The following STK32B variants were observed in gnomAD, a reference collection of about 807,000 sequenced individuals.
STK32B encodes serine/threonine kinase 32B.
Under a neutral mutation model 52.6 loss-of-function variants are expected in STK32B, and 43 were observed. The observed-to-expected ratio is 0.82, with a 90% CI of 0.64 to 1.05. The LOEUF (loss-of-function observed/expected upper bound fraction) is 1.05. STK32B is among the 50% of genes least tolerant of loss of function. The probability of loss-of-function intolerance (pLI) is 0.00; values close to 1 mark genes in which losing one functional copy is unlikely to be tolerated. For synonymous variants in STK32B, 238 were observed against 204.3 expected (o/e 1.17, Z -1.41); for missense variants, 621 against 534.6 (o/e 1.16, Z -1.59).
At chr4:5,351,630 A>G (rs924592708) in intron 4 of STK32B, among the ~76,000 whole-genome samples, 3 of 152,214 alleles carry the variant, frequency 2.0e-5, no homozygotes, top group East Asian at 1.9e-4. Context: ...AGCTAAATAA[A>G]TGAAATAGGG....
At chr4:5,456,180 C>T (rs1716492941) in intron 7 of STK32B, among the ~76,000 whole-genome samples, 1 of 152,206 alleles carries the variant, frequency 6.6e-6, no homozygotes, top group Admixed American at 6.5e-5. Context: ...CTGCACATGG[C>T]AATGTTGAGA....
chr4:5,459,338 C>T (rs1401215009), intron 8 of STK32B, among the ~76,000 whole-genome samples: 1 of 141,902 alleles, frequency 7.0e-6, no homozygotes, highest in Non-Finnish European at 1.5e-5. Flanking sequence ...CCCATTTGGT[C>T]TCATCCTACC....
At chr4:5,493,253 C>T (rs182286446) in intron 11 of STK32B, among the ~76,000 whole-genome samples, 4 of 152,258 alleles carry the variant, frequency 2.6e-5, no homozygotes, top group African/African-American at 4.8e-5. Context: ...GCCACAATTT[C>T]AGAGCCTGTT....
intron 1 of STK32B, among the ~76,000 whole-genome samples, chr4:5,137,258 T>C (rs538354235): frequency 6.4e-4 from 97 of 152,226 alleles, no homozygotes; most frequent in Non-Finnish European, 1.1e-3. Context: ...TGGCCAATGC[T>C]CAATCTGGAC....
intron 4 of STK32B, among the ~76,000 whole-genome samples, chr4:5,361,133 A>G (rs1734521684): frequency 6.6e-6 from 1 of 152,146 alleles, no homozygotes; most frequent in Admixed American, 6.5e-5. Flanking sequence ...AGGTTCATAT[A>G]TGTTGTAGCA....
chr4:5,096,405 C>T (rs1713395340), intron 1 of STK32B, among the ~76,000 whole-genome samples: 1 of 152,214 alleles, frequency 6.6e-6, no homozygotes. Context: ...TGCATCCCCA[C>T]CGTTGGGAGT....
At chr4:5,327,508 T>C (rs184594586) in intron 3 of STK32B, among the ~76,000 whole-genome samples, 3 of 152,150 alleles carry the variant, frequency 2.0e-5, no homozygotes, top group Non-Finnish European at 2.9e-5. Context: ...ATTAATCTTG[T>C]ACATCTCCAT....
At chr4:5,248,547 C>G (rs1725635296) in intron 3 of STK32B, among the ~76,000 whole-genome samples, 1 of 152,170 alleles carries the variant, frequency 6.6e-6, no homozygotes, top group South Asian at 2.1e-4. Context: ...CTGGGAGACA[C>G]TTGTCTTTTT....
chr4:5,267,805 T>C (rs2108852527), intron 3 of STK32B, among the ~76,000 whole-genome samples: 1 of 152,318 alleles, frequency 6.6e-6, no homozygotes, highest in South Asian at 2.1e-4. Context: ...ACGCTGCTTG[T>C]ACCATATTTT....
At chr4:5,126,248 G>A (rs967418669) in intron 1 of STK32B, among the ~76,000 whole-genome samples, 4 of 152,144 alleles carry the variant, frequency 2.6e-5, no homozygotes, top group Admixed American at 2.6e-4. Context: ...GCTCCTCTTA[G>A]GATAGTCCTT....
chr4:5,350,923 A>G (rs1265578640), intron 4 of STK32B, among the ~76,000 whole-genome samples: 1 of 151,974 alleles, frequency 6.6e-6, no homozygotes, highest in African/African-American at 2.4e-5. Context: ...AGGGCTTAAT[A>G]TAAACATATA....
chr4:5,426,161 G>A (rs1713070714), intron 6 of STK32B, among the ~76,000 whole-genome samples: 1 of 152,146 alleles, frequency 6.6e-6, no homozygotes. Flanking sequence ...CTGCCAAACT[G>A]GTTTCTAGAA....
rs1720046789 is a variant in STK32B at position 5,494,550 on chromosome 4, TAA to T, written c.1107-4394_1107-4393del. 2.6e-5 allele frequency among the ~76,000 whole-genome samples: 4 copies of T among 152,226 alleles called. No homozygotes were observed. The South Asian group carries it at 8.3e-4, about 32-fold the overall frequency. On this transcript the variant is annotated intron_variant, in intron 11 of 11. Transcript: ENST00000282908. ...ATCCAGTTTGCCAGTCTGTGTCTTT[TAA>T]TTGGAGCATTTAGCCCATTTACATT...
At chr4:5,415,142 A>T (rs1251070076) in intron 5 of STK32B, among the ~76,000 whole-genome samples, 1 of 152,232 alleles carries the variant, frequency 6.6e-6, no homozygotes, top group African/African-American at 2.4e-5. Flanking sequence ...TGGCTGGAGA[A>T]GATGGGTTTT....
intron 2 of STK32B, among the ~76,000 whole-genome samples, chr4:5,150,658 A>G (rs1717281948): frequency 1.3e-5 from 2 of 151,524 alleles, no homozygotes; most frequent in Admixed American, 6.6e-5. Flanking sequence ...GTCAGAGGTT[A>G]TTTACCACAT....
At chr4:5,441,211 T>C (rs1461870767) in intron 6 of STK32B, among the ~76,000 whole-genome samples, 1 of 151,336 alleles carries the variant, frequency 6.6e-6, no homozygotes, top group African/African-American at 2.4e-5. Flanking sequence ...TCTGGTAGAA[T>C]TTGGCTGTGA....
intron 3 of STK32B, among the ~76,000 whole-genome samples, chr4:5,300,041 T>TG (rs1729456456): frequency 6.6e-6 from 1 of 152,076 alleles, no homozygotes; most frequent in African/African-American, 2.4e-5. Flanking sequence ...ATATCCTCAA[T>TG]GAAGTACTAA....
At chr4:5,437,727 G>A (rs1396639022) in intron 6 of STK32B, among the ~76,000 whole-genome samples, 1 of 152,274 alleles carries the variant, frequency 6.6e-6, no homozygotes, top group African/African-American at 2.4e-5. Context: ...GTGGTTGGGA[G>A]AATTAAAGAG....
At chr4:5,246,582 C>T (rs954192861) in intron 3 of STK32B, among the ~76,000 whole-genome samples, 5 of 152,210 alleles carry the variant, frequency 3.3e-5, no homozygotes, top group Admixed American at 6.5e-5. Flanking sequence ...TTGTCATAGT[C>T]ATTCTCTGTC....
Sources: gnomAD v4.1 joint callset for allele counts (sites outside exome capture counted in the v4.1 genomes callset) on GRCh38, gnomAD v4.1.1 for gene constraint, MANE v1.5 for transcripts, NCBI Gene and HGNC (gene_info 2026-07-23, HGNC 2026-07-21) for gene names.